ACTR2: variants seen among roughly 807,000 people sequenced by gnomAD.
ACTR2 encodes the protein actin-related protein 2.
In ACTR2, 5 loss-of-function variants were observed where a neutral mutation model predicts 50.2. That is an observed-to-expected ratio of 0.10 (90% CI 0.05 to 0.21). The LOEUF (loss-of-function observed/expected upper bound fraction) is 0.21, where lower values mean the gene tolerates loss of function less well. Ranked by LOEUF, ACTR2 falls within the 10% of genes least tolerant of loss-of-function variation. The pLI is 1.00. For synonymous variants in ACTR2, 140 were observed against 162.9 expected (o/e 0.86, Z 1.07); for missense variants, 180 against 480.6 (o/e 0.37, Z 5.85).
chr2:65,268,700 G>A lies in ACTR2; in HGVS notation c.1151G>A (p.Arg384His), dbSNP rs777633748. The change falls in exon 9 of 9, where the codon CGT becomes CAT. Residue 384 changes from arginine (R) to histidine (H), a missense_variant. Coordinates refer to ENST00000260641, the MANE Select transcript of ACTR2 (RefSeq NM_005722.4). The stretch of plus-strand genomic sequence containing the variant: ...CAAGAGTACCAAGAAAAGGGTGTCC[G>A]TGTGCTAGAGAAACTTGGTGTGACT... Reference protein sequence around the residue: ...TRQEYQEKGVRVLEKLGVTVR With the variant: ...TRQEYQEKGVHVLEKLGVTVR 6.8e-6 allele frequency: 11 copies of A among 1,613,888 alleles called. No homozygotes were observed. In the South Asian group the frequency reaches 7.7e-5, roughly 11 times the overall value.
chr2:65,250,107 G>C (rs1468829186), intron 3 of ACTR2, among the ~76,000 whole-genome samples: 3 of 152,206 alleles, frequency 2.0e-5, no homozygotes, highest in Non-Finnish European at 4.4e-5. Context: ...GCTCACGCCT[G>C]TAATCCCAGC....
At chr2:65,229,765 A>AAG (rs1553405857) in intron 1 of ACTR2, among the ~76,000 whole-genome samples, 22 of 150,764 alleles carry the variant, frequency 1.5e-4, no homozygotes, top group African/African-American at 5.4e-4. Context: ...AAAAAAAAAA[A>AAG]AAAAAAGAAA....
At chr2:65,250,542 G>A (rs1462406505) in intron 3 of ACTR2, among the ~76,000 whole-genome samples, 2 of 150,928 alleles carry the variant, frequency 1.3e-5, no homozygotes, top group African/African-American at 2.4e-5. Context: ...GCATGGTGGT[G>A]CATGCCTGTA....
chr2:65,232,928 G>A (rs894871184), intron 1 of ACTR2, among the ~76,000 whole-genome samples: 2 of 151,658 alleles, frequency 1.3e-5, no homozygotes, highest in African/African-American at 4.8e-5. Context: ...GGATTAAGAT[G>A]ATACCAATGA....
At chr2:65,261,618 C>T (rs1672269760) in intron 7 of ACTR2, among the ~76,000 whole-genome samples, 1 of 152,084 alleles carries the variant, frequency 6.6e-6, no homozygotes, top group Non-Finnish European at 1.5e-5. Context: ...TTCATGTTTG[C>T]TTTTTCATTC....
chr2:65,232,173 A>G (rs1671650258), intron 1 of ACTR2, among the ~76,000 whole-genome samples: 1 of 152,232 alleles, frequency 6.6e-6, no homozygotes, highest in South Asian at 2.1e-4. Context: ...CTCTAGGTTT[A>G]GGTCCTCTTC....
intron 1 of ACTR2, among the ~76,000 whole-genome samples, chr2:65,236,413 G>A (rs983304993): frequency 6.6e-6 from 1 of 152,004 alleles, no homozygotes; most frequent in African/African-American, 2.4e-5. Flanking sequence ...TGGTTCATCA[G>A]CGTCATCTCC....
intron 3 of ACTR2, among the ~76,000 whole-genome samples, chr2:65,247,044 G>T (rs1671950656): frequency 6.6e-6 from 1 of 152,012 alleles, no homozygotes; most frequent in Non-Finnish European, 1.5e-5. Context: ...AGCAGAAGGA[G>T]ACTGAAAAGG....
chr2:65,227,833 A>T lies in ACTR2; in HGVS notation c.-77A>T. On this transcript the variant is annotated 5_prime_UTR_variant, in exon 1 of 9. Coordinates refer to ENST00000260641, the MANE Select transcript of ACTR2 (RefSeq NM_005722.4). ...GCCGAAGGAGGGGCCGGGAAGACGC[A>T]AGAGGAAGAAGAGAAAACGGCCGGG... is the stretch of plus-strand genomic sequence containing the variant. 1.4e-6 allele frequency: 2 copies of T among 1,460,266 alleles called. No homozygotes were observed. The highest frequency in any genetic ancestry group is 1.8e-6 in the Non-Finnish European group (2 of 1,098,872). The allele number at this position is 1,460,266 out of a possible 1,614,324, so 90.5% of individuals were successfully genotyped here. A position where few individuals can be genotyped will look rare whatever the true frequency, so the allele number is the denominator to read the frequency against.
chr2:65,237,714 G>A (rs1330331395), intron 1 of ACTR2, among the ~76,000 whole-genome samples: 1 of 152,098 alleles, frequency 6.6e-6, no homozygotes, highest in Non-Finnish European at 1.5e-5. Context: ...TACGCTAGGC[G>A]TGGTGGCTCA....
In ACTR2 at chr2:65,251,095, T is replaced by C. The variant is rs1397857065; in HGVS notation, c.444T>C (p.Ala148=). The change falls in exon 4 of 9, where the codon GCT becomes GCC. Residue 148 remains alanine, a synonymous_variant. Transcript: ENST00000260641. ...VAIQAVLTLY[A]QGLLTGVVVD... Reference sequence around the variant, plus strand: ...TCCAGGCAGTTCTGACTTTGTACGCTCAAGGTAGGTTAAGCTTAACTGTTA... The same window carrying C: ...TCCAGGCAGTTCTGACTTTGTACGCCCAAGGTAGGTTAAGCTTAACTGTTA... 3.1e-6 allele frequency: 5 copies of C among 1,603,098 alleles called. No homozygotes were observed. The highest frequency in any genetic ancestry group is 3.4e-5 in the Admixed American group (2 of 58,506).
At chr2:65,251,189 A>T (rs578173603) in intron 4 of ACTR2, 90 bp downstream of exon 4, 1 of 824,412 alleles carries the variant, frequency 1.2e-6, no homozygotes, top group Admixed American at 2.8e-5. Context: ...TCAATAAGTT[A>T]TAAGCCCCAG....
intron 5 of ACTR2, among the ~76,000 whole-genome samples, chr2:65,254,651 G>T (rs1300735061): frequency 6.6e-6 from 1 of 152,122 alleles, no homozygotes; most frequent in African/African-American, 2.4e-5. Context: ...GTCTGAGCTG[G>T]GCAGGAATGC....
chr2:65,268,062 C>T lies in ACTR2; in HGVS notation c.1015-502C>T, dbSNP rs1232634734. 4.0e-5 allele frequency among the ~76,000 whole-genome samples: 6 copies of T among 151,750 alleles called. No individual in the cohort carries two copies. The South Asian group carries it at 1.3e-3, about 32-fold the overall frequency. ...CTGTGTTAGCCAGGATGGTCTCGAT[C>T]TCCTGACCTCGTGATCCGCCCGCCT... is the stretch of plus-strand genomic sequence containing the variant. On this transcript the variant is annotated intron_variant, in intron 8 of 8. Transcript: ENST00000260641.
Position 65,248,486 on chromosome 2 carries a change from CTTGTG to C in ACTR2, c.375+1753_375+1757del, listed in dbSNP as rs546880964. Among the ~76,000 whole-genome samples, 631 of 152,192 alleles carry C rather than the reference CTTGTG, an allele frequency of 4.1e-3. 4 individuals carry two copies. The highest frequency in any genetic ancestry group is 7.7e-3 in the Non-Finnish European group (522 of 68,020). ...AGGAGATGCTCAGATTTAGATTTCT[CTTGTG>C]TTGTGAGTATCCCACAAGGAGGCAA... On this transcript the variant is annotated intron_variant, in intron 3 of 8. Coordinates refer to ENST00000260641, the MANE Select transcript of ACTR2 (RefSeq NM_005722.4).
intron 6 of ACTR2, among the ~76,000 whole-genome samples, chr2:65,258,793 G>T (rs1011245123): frequency 2.0e-5 from 3 of 152,028 alleles, no homozygotes; most frequent in Non-Finnish European, 4.4e-5. Flanking sequence ...ACCCCATGCT[G>T]GCCAGCAGCC....
chr2:65,241,536 A>G (rs547685884), intron 2 of ACTR2, among the ~76,000 whole-genome samples: 2 of 152,278 alleles, frequency 1.3e-5, no homozygotes, highest in South Asian at 4.1e-4. Context: ...CACTCTGTGC[A>G]ATCTTGTAAG....
At chr2:65,256,510 T>C (rs1233078229) in intron 6 of ACTR2, among the ~76,000 whole-genome samples, 1 of 152,220 alleles carries the variant, frequency 6.6e-6, no homozygotes, top group Non-Finnish European at 1.5e-5. Flanking sequence ...TTTAAAACCA[T>C]ATGATGCATA....
intron 1 of ACTR2, among the ~76,000 whole-genome samples, chr2:65,238,531 C>T (rs966454362): frequency 2.0e-5 from 3 of 150,070 alleles, no homozygotes; most frequent in African/African-American, 2.5e-5. Flanking sequence ...TGGTGGTGGG[C>T]GCCTGTAGTC....
Sources: gnomAD v4.1 joint callset for allele counts (sites outside exome capture counted in the v4.1 genomes callset) on GRCh38, gnomAD v4.1.1 for gene constraint, MANE v1.5 for transcripts, NCBI Gene and HGNC (gene_info 2026-07-23, HGNC 2026-07-21) for gene names.